Variants in TMEM232 observed in about 807,000 individuals in gnomAD.
The protein encoded by TMEM232 is transmembrane protein 232.
In TMEM232, 80 loss-of-function variants were observed where a neutral mutation model predicts 78.8. The ratio of observed to expected loss-of-function variants is 1.01; its 90% CI spans 0.85 to 1.22. The LOEUF (loss-of-function observed/expected upper bound fraction) is 1.22, where lower values mean the gene tolerates loss of function less well. TMEM232 is among the 50% of genes most tolerant of loss of function. The probability of loss-of-function intolerance (pLI) is 0.00; values close to 1 mark genes in which losing one functional copy is unlikely to be tolerated. For synonymous variants in TMEM232, 297 were observed against 254.3 expected (o/e 1.17, Z -1.60); for missense variants, 881 against 742.2 (o/e 1.19, Z -2.17).
At chr5:110,689,674 C>A (rs1214853528) in intron 1 of TMEM232, among the ~76,000 whole-genome samples, 1 of 152,090 alleles carries the variant, frequency 6.6e-6, no homozygotes, top group East Asian at 1.9e-4. Flanking sequence ...GCCCATATAG[C>A]CAAGACAATC....
At chr5:110,721,840 T>C (rs559851887) in intron 1 of TMEM232, among the ~76,000 whole-genome samples, 2 of 151,292 alleles carry the variant, frequency 1.3e-5, no homozygotes, top group South Asian at 4.2e-4. Context: ...TTCATCAGAA[T>C]CCCAGGGTGG....
intron 12 of TMEM232, among the ~76,000 whole-genome samples, chr5:110,490,156 A>C (rs1764902227): frequency 7.0e-6 from 1 of 142,348 alleles, no homozygotes; most frequent in Non-Finnish European, 1.5e-5. Flanking sequence ...AAAGAAAGAA[A>C]GAAAGAAAGA....
intron 10 of TMEM232, among the ~76,000 whole-genome samples, chr5:110,584,153 G>C (rs1250034884): frequency 6.6e-6 from 1 of 151,814 alleles, no homozygotes; most frequent in East Asian, 1.9e-4. Context: ...TCTGGATATT[G>C]ATCCAAAGGA....
rs796424096 is a variant in TMEM232, at chr5:110,721,655, A to ATG, written c.-13+4970_-13+4971dup. ...TGTGAGATGTGTGAGTCTGCATATC[A>ATG]TGTGTGTGTGTGTGTGTGTATATAT... is the stretch of plus-strand genomic sequence containing the variant. On this transcript the variant is annotated intron_variant, in intron 1 of 13. Coordinates refer to ENST00000455884, the MANE Select transcript of TMEM232 (RefSeq NM_001039763.4). Among the ~76,000 whole-genome samples the ATG allele has an allele frequency of 6.5e-4, 64 of 98,760 alleles. 3 individuals carry two copies. Among genetic ancestry groups the ATG allele is most frequent in the East Asian group, 4.0e-3 (11 of 2,746 alleles). 64.8% of individuals were successfully genotyped at this position (98,760 alleles called of 152,430 possible).
intron 10 of TMEM232, among the ~76,000 whole-genome samples, chr5:110,581,287 C>A (rs1486860879): frequency 6.6e-6 from 1 of 151,744 alleles, no homozygotes; most frequent in Non-Finnish European, 1.5e-5. Context: ...CTACAGTAGC[C>A]AAAACAGCAT....
intron 12 of TMEM232, among the ~76,000 whole-genome samples, chr5:110,439,369 A>T (rs1278144727): frequency 6.6e-6 from 1 of 152,130 alleles, no homozygotes; most frequent in Non-Finnish European, 1.5e-5. Flanking sequence ...AGTTCCTTGT[A>T]TTTTAAAACA....
rs758391004 is a variant in TMEM232, at chr5:110,642,392, T to A, written c.126-21A>T. On this transcript the variant is annotated intron_variant, in intron 2 of 13. Coordinates refer to ENST00000455884, the MANE Select transcript of TMEM232 (RefSeq NM_001039763.4). The stretch of plus-strand genomic sequence containing the variant: ...TTGGCCTAAATAAAACATTGAAAAA[T>A]TAACATTTAAAAAGTATAGCTATCA... The A allele has an allele frequency of 1.1e-4, 169 of 1,479,348 alleles. 1 individual carries two copies. In the South Asian group the frequency reaches 1.2e-3, roughly 10 times the overall value. The allele number at this position is 1,479,348 out of a possible 1,614,324, so 91.6% of individuals were successfully genotyped here. A position where few individuals can be genotyped will look rare whatever the true frequency, so the allele number is the denominator to read the frequency against.
chr5:110,672,490 C>G (rs11954541), intron 1 of TMEM232, among the ~76,000 whole-genome samples: 1 of 152,004 alleles, frequency 6.6e-6, no homozygotes, highest in East Asian at 1.9e-4. Context: ...TTTGTGCCCT[C>G]TAATATATTT....
intron 12 of TMEM232, among the ~76,000 whole-genome samples, chr5:110,463,871 G>A (rs1381680896): frequency 1.3e-5 from 2 of 152,126 alleles, no homozygotes; most frequent in Non-Finnish European, 2.9e-5. Flanking sequence ...TTTATTCTGT[G>A]TTCTCCAGTC....
intron 10 of TMEM232, among the ~76,000 whole-genome samples, chr5:110,571,616 G>A (rs1473932765): frequency 6.6e-6 from 1 of 151,840 alleles, no homozygotes; most frequent in Non-Finnish European, 1.5e-5. Flanking sequence ...GGCAGGCCAG[G>A]AGATCAAGAC....
At chr5:110,424,787 A>G in intron 13 of TMEM232, 36 bp downstream of exon 13, 1 of 1,463,332 alleles carries the variant, frequency 6.8e-7, no homozygotes, top group East Asian at 2.5e-5. Context: ...TAAGGAACAA[A>G]GCTTTTGCTG....
chr5:110,730,162 A>G (rs911350115), upstream of TMEM232, among the ~76,000 whole-genome samples: 2 of 150,546 alleles, frequency 1.3e-5, no homozygotes, highest in Non-Finnish European at 3.0e-5. Context: ...TCAGTCCTCC[A>G]GTTGCTTGGA....
chr5:110,445,360 CATT>C (rs942386700), intron 12 of TMEM232, among the ~76,000 whole-genome samples: 1 of 151,986 alleles, frequency 6.6e-6, no homozygotes, highest in African/African-American at 2.4e-5. Context: ...CCTATGAAGC[CATT>C]ATTACATTCA....
intron 13 of TMEM232, among the ~76,000 whole-genome samples, chr5:110,421,773 G>A (rs35279930): frequency 6.6e-6 from 1 of 151,972 alleles, no homozygotes; most frequent in South Asian, 2.1e-4. Flanking sequence ...CAGCTTTGAC[G>A]AATGCATTAA....
At chr5:110,443,166 A>C (rs1278399359) in intron 12 of TMEM232, among the ~76,000 whole-genome samples, 1 of 152,048 alleles carries the variant, frequency 6.6e-6, no homozygotes, top group East Asian at 1.9e-4. Context: ...CCTTCCCTTC[A>C]GGACATTGTG....
chr5:110,614,756 G>A (rs995506466), intron 8 of TMEM232, among the ~76,000 whole-genome samples: 1 of 151,882 alleles, frequency 6.6e-6, no homozygotes, highest in Non-Finnish European at 1.5e-5. Context: ...AAGGGCTTAC[G>A]TAGTTCTAGT....
Position 110,665,362 on chromosome 5 carries a change from T to A in TMEM232, c.125+1866A>T, listed in dbSNP as rs958645864. Among the ~76,000 whole-genome samples, 3 of 152,158 alleles carry A rather than the reference T, an allele frequency of 2.0e-5. No homozygotes were observed. The South Asian group carries it at 6.2e-4, about 31-fold the overall frequency. On this transcript the variant is annotated intron_variant, in intron 2 of 13. Transcript: ENST00000455884. ...GGCAAGGCCAACTCTGTCTCTGTAT[T>A]AGTCCGTTCTCACACTGCTATAAAG...
intron 2 of TMEM232, among the ~76,000 whole-genome samples, chr5:110,665,050 C>A (rs1312602990): frequency 6.6e-6 from 1 of 152,132 alleles, no homozygotes; most frequent in Non-Finnish European, 1.5e-5. Flanking sequence ...GGGACTTCAA[C>A]ATATGAATTT....
intron 3 of TMEM232, among the ~76,000 whole-genome samples, 189 bp downstream of exon 3, chr5:110,642,071 A>T (rs17132237): frequency 0.034 from 5,168 of 152,116 alleles, 288 homozygotes; most frequent in African/African-American, 0.12. Context: ...TTTCCACAAA[A>T]ATTTACAGGG....
Sources: gnomAD v4.1 joint callset for allele counts (sites outside exome capture counted in the v4.1 genomes callset) on GRCh38, gnomAD v4.1.1 for gene constraint, MANE v1.5 for transcripts, NCBI Gene and HGNC (gene_info 2026-07-23, HGNC 2026-07-21) for gene names.